EML5: variants seen among roughly 807,000 people sequenced by gnomAD.
EML5 encodes the protein EMAP like 5.
In EML5, 120 loss-of-function variants were observed where a neutral mutation model predicts 250.0. That is an observed-to-expected ratio of 0.48 (90% CI 0.41 to 0.56). The LOEUF (loss-of-function observed/expected upper bound fraction) is 0.56. Among genes scored for constraint, EML5 ranks in the 20% least tolerant of loss-of-function variants. EML5 has a pLI of 0.00. For synonymous variants in EML5, 771 were observed against 806.5 expected (o/e 0.96, Z 0.75); for missense variants, 2,006 against 2,437.6 (o/e 0.82, Z 3.73).
chr14:88,697,030 A>G, intron 14 of EML5, 78 bp from the exon 15 acceptor site: 1 of 912,662 alleles, frequency 1.1e-6, no homozygotes, highest in Non-Finnish European at 1.5e-6. Flanking sequence ...ATAAAACAAG[A>G]GATTTTTACA....
At chr14:88,775,719 C>T (rs919117050) in intron 1 of EML5, among the ~76,000 whole-genome samples, 3 of 152,152 alleles carry the variant, frequency 2.0e-5, no homozygotes, top group East Asian at 1.9e-4. Flanking sequence ...CTGGCCTGGC[C>T]GGCTTTACCA....
chr14:88,717,719 C>T (rs781490994), intron 8 of EML5, among the ~76,000 whole-genome samples: 4 of 152,166 alleles, frequency 2.6e-5, no homozygotes, highest in African/African-American at 4.8e-5. Context: ...CCTGCCACTG[C>T]ACTCCAGCCT....
chr14:88,629,435 C>T (rs779737810), intron 33 of EML5, among the ~76,000 whole-genome samples: 1 of 152,158 alleles, frequency 6.6e-6, no homozygotes, highest in African/African-American at 2.4e-5. Flanking sequence ...AATTGTCACA[C>T]ACTTAGACTG....
At chr14:88,747,075 T>C (rs1389893152) in intron 2 of EML5, among the ~76,000 whole-genome samples, 2 of 151,972 alleles carry the variant, frequency 1.3e-5, no homozygotes, top group African/African-American at 2.4e-5. Context: ...CCTCAAAGAA[T>C]TCCTACAGGT....
Position 88,747,887 on chromosome 14 carries a change from G to A in EML5, c.358-1604C>T, listed in dbSNP as rs188703828. On this transcript the variant is annotated intron_variant, in intron 2 of 43. Transcript: ENST00000554922. Reference sequence around the variant, plus strand: ...ATCAAGGTCTGAACTTACCCTCCCCGACCCACCCCTGCCATAAACAGCTAG... The same window carrying A: ...ATCAAGGTCTGAACTTACCCTCCCCAACCCACCCCTGCCATAAACAGCTAG... Among the ~76,000 whole-genome samples, 12 of 144,016 alleles carry A rather than the reference G, an allele frequency of 8.3e-5. No individual in the cohort carries two copies. The East Asian group carries it at 2.0e-3, about 25-fold the overall frequency. The allele number at this position is 144,016 out of a possible 152,430, so 94.5% of individuals were successfully genotyped here. A position where few individuals can be genotyped will look rare whatever the true frequency, so the allele number is the denominator to read the frequency against.
chr14:88,619,021 T>C, intron 39 of EML5: 1 of 413,118 alleles, frequency 2.4e-6, no homozygotes, highest in Non-Finnish European at 4.1e-6. Context: ...ATTTTAAATA[T>C]TTCCCCAATT....
chr14:88,706,389 G>C lies in EML5; in HGVS notation c.1695C>G (p.His565Gln), dbSNP rs568796325. 3 of 1,602,694 alleles carry C rather than the reference G, an allele frequency of 1.9e-6. No homozygotes were observed. ...CATGTGACCATCTGACATTAGTTACGTGAGCTGAATGGCCAATATATTTTC... is the reference window on the plus strand; with the variant it reads ...CATGTGACCATCTGACATTAGTTACCTGAGCTGAATGGCCAATATATTTTC... Reference protein sequence around the residue: ...KFRKYIGHSAHVTNVRWSHDY... With the variant: ...KFRKYIGHSAQVTNVRWSHDY... Residue 565 changes from histidine to glutamine, a missense_variant, in exon 11 of 44, where the codon CAC becomes CAG. By Grantham distance (24) the His-to-Gln change is conservative (BLOSUM62 0). Around this residue, in one of 7 missense-constraint regions of EML5, gnomAD observed 1,375 missense variants for 1,590.3 expected, o/e 0.86. Transcript: ENST00000554922.
intron 42 of EML5, chr14:88,616,485 A>G: frequency 1.7e-6 from 1 of 604,138 alleles, no homozygotes; most frequent in South Asian, 2.2e-5. Context: ...AAATTTGATA[A>G]CTGATTATAG....
chr14:88,788,489 A>G (rs551917635), intron 1 of EML5, among the ~76,000 whole-genome samples: 1 of 152,066 alleles, frequency 6.6e-6, no homozygotes, highest in Non-Finnish European at 1.5e-5. Context: ...TTTCAGATGC[A>G]TCGTCATTTG....
chr14:88,768,273 T>C (rs1433251649), intron 1 of EML5, among the ~76,000 whole-genome samples: 2 of 152,228 alleles, frequency 1.3e-5, no homozygotes, highest in Admixed American at 1.3e-4. Context: ...TTTTTCTTTG[T>C]AGTCACTAAG....
chr14:88,626,769 G>T, intron 35 of EML5, 69 bp downstream of exon 35: 1 of 1,464,948 alleles, frequency 6.8e-7, no homozygotes, highest in Non-Finnish European at 9.4e-7. Context: ...ACATTCATGT[G>T]GCTGATGATC....
intron 1 of EML5, among the ~76,000 whole-genome samples, chr14:88,755,075 G>A (rs1271835593): frequency 6.6e-6 from 1 of 152,012 alleles, no homozygotes; most frequent in Non-Finnish European, 1.5e-5. Flanking sequence ...AAAGTGCTGG[G>A]ATTATGGTGT....
At chr14:88,705,222 T>C (rs1030553302) in intron 12 of EML5, among the ~76,000 whole-genome samples, 5 of 152,064 alleles carry the variant, frequency 3.3e-5, no homozygotes, top group African/African-American at 1.2e-4. Flanking sequence ...TAAAAGAATA[T>C]TGTTAAAGGA....
At chr14:88,725,415 T>C (rs757478513) in intron 8 of EML5, among the ~76,000 whole-genome samples, 4 of 152,148 alleles carry the variant, frequency 2.6e-5, no homozygotes, top group Admixed American at 1.3e-4. Context: ...ACATAATGTA[T>C]CTGTTCATAA....
At position 88,754,656 on chromosome 14, in the gene EML5, A is replaced by G. The variant is rs764107198; in HGVS notation, c.213T>C (p.Pro71=). ...SDDIISLALH[P]ERVLVATGQV... is the part of the protein sequence containing the mutation. Reference sequence around the variant, plus strand: ...GTCCTGTTGCTACCAACACTCGTTCAGGATGCAATGCAAGGCTGTAAAATA... The same window carrying G: ...GTCCTGTTGCTACCAACACTCGTTCGGGATGCAATGCAAGGCTGTAAAATA... Residue 71 remains proline, a synonymous_variant, in exon 2 of 44, where the codon CCT becomes CCC. Coordinates refer to ENST00000554922, the MANE Select transcript of EML5 (RefSeq NM_183387.3). 6.2e-7 allele frequency: 1 copy of G among 1,610,120 alleles called. No homozygotes were observed. Among genetic ancestry groups the G allele is most frequent in the Non-Finnish European group, 8.5e-7 (1 of 1,178,248 alleles).
intron 1 of EML5, among the ~76,000 whole-genome samples, chr14:88,757,246 T>C (rs2094173360): frequency 6.6e-6 from 1 of 152,120 alleles, no homozygotes; most frequent in Admixed American, 6.6e-5. Flanking sequence ...TTTCAACAAA[T>C]AGTACTGGGA....
Position 88,702,464 on chromosome 14 carries a change from G to A in EML5, c.2220C>T (p.Asp740=). Residue 740 remains aspartate (D), a synonymous_variant, in exon 14 of 44, where the codon GAC becomes GAT. Transcript: ENST00000554922. The stretch of plus-strand genomic sequence containing the variant: ...AACCTACCTGGCCTGTTGCCACGTA[G>A]TCTTTCAAAGGATGAATAGTTAGGC... ...ILCLTIHPLK[D]YVATGQVGRD... 1 of 1,611,660 alleles carries A rather than the reference G, an allele frequency of 6.2e-7. No individual in the cohort carries two copies. Among genetic ancestry groups the A allele is most frequent in the Non-Finnish European group, 8.5e-7 (1 of 1,178,926 alleles).
chr14:88,736,245 C>A (rs778758436), intron 7 of EML5, 119 bp downstream of exon 7: 5 of 1,094,302 alleles, frequency 4.6e-6, no homozygotes, highest in Non-Finnish European at 6.7e-6. Flanking sequence ...GTGATCTGCC[C>A]GCCTTGGCCT....
At chr14:88,685,928 C>T (rs140350091) in intron 19 of EML5, among the ~76,000 whole-genome samples, 2 of 152,216 alleles carry the variant, frequency 1.3e-5, no homozygotes, top group East Asian at 3.9e-4. Context: ...ATGGAACCCA[C>T]AGATACAGAG....
Sources: allele counts gnomAD v4.1 joint callset (sites outside exome capture counted in the v4.1 genomes callset), GRCh38; gene constraint gnomAD v4.1.1; regional missense constraint gnomAD v4.1.1; transcripts MANE v1.5; gene names NCBI Gene and HGNC (gene_info 2026-07-23, HGNC 2026-07-21).